PCDH15: variants seen among roughly 807,000 people sequenced by gnomAD.
PCDH15 encodes the protein protocadherin-15.
In PCDH15, 129 loss-of-function variants were observed where a neutral mutation model predicts 178.5. That is an observed-to-expected ratio of 0.72 (90% confidence interval 0.63 to 0.84). The LOEUF is 0.84. Ranked by LOEUF, PCDH15 falls within the 40% of genes least tolerant of loss-of-function variation. The probability of loss-of-function intolerance (pLI) is 0.00; values close to 1 mark genes in which losing one functional copy is unlikely to be tolerated. For synonymous variants in PCDH15, 800 were observed against 732.0 expected, an observed-to-expected ratio of 1.09 and a Z score of -1.50; for missense variants, 2,230 against 2,099.9, an observed-to-expected ratio of 1.06 and a Z score of -1.21.
intron 2 of PCDH15, among the ~76,000 whole-genome samples, chr10:55,011,930 T>C (rs1477088972): frequency 6.6e-6 from 1 of 152,028 alleles, no homozygotes; most frequent in Non-Finnish European, 1.5e-5. Flanking sequence ...GAGAAATCAA[T>C]TTTCAATGCC....
chr10:55,122,401 C>G (rs1189750976), intron 2 of PCDH15, among the ~76,000 whole-genome samples: 2 of 151,960 alleles, frequency 1.3e-5, no homozygotes, highest in African/African-American at 4.8e-5. Context: ...GAAGTGTGGG[C>G]AAGATGGGGA....
Position 54,200,668 on chromosome 10 carries a change from A to T in PCDH15, c.1099-4779T>A, listed in dbSNP as rs12246590. ...AATATTTATTTTCAGTCCTTATCTT[A>T]CTTGACCTATCTTCAGCATTATTCA... On this transcript the variant is annotated intron_variant, in intron 10 of 37. Transcript: ENST00000644397. Among the ~76,000 whole-genome samples the T allele has an allele frequency of 4.0e-3, 603 of 152,204 alleles. 2 individuals are homozygous for T. The highest frequency in any genetic ancestry group is 0.014 in the African/African-American group (574 of 41,536).
chr10:55,234,982 A>T (rs74136400), intron 1 of PCDH15, among the ~76,000 whole-genome samples: 2,619 of 152,178 alleles, frequency 0.017, 86 homozygotes, highest in African/African-American at 0.058. Context: ...AAAATAAGTT[A>T]AAAATCCATA....
Position 53,807,080 on chromosome 10 carries a change from G to GGTTTCATAC in PCDH15, c.4713_4721dup (p.Tyr1572_Thr1574dup). 6.2e-7 allele frequency: 1 copy of GGTTTCATAC among 1,612,816 alleles called. No individual in the cohort carries two copies. Among genetic ancestry groups the GGTTTCATAC allele is most frequent in the East Asian group, 2.2e-5 (1 of 44,858 alleles). On this transcript the variant is annotated inframe_insertion, in exon 38 of 38. Coordinates refer to ENST00000644397, the MANE Select transcript of PCDH15 (RefSeq NM_001384140.1). The stretch of plus-strand genomic sequence containing the variant: ...GAGCACTGTCTTCTCCAGTTGAGCT[G>GGTTTCATAC]GTTTCATACTCTCGATCAACAACTA...
At chr10:54,010,766 C>G (rs958895559) in intron 20 of PCDH15, among the ~76,000 whole-genome samples, 1 of 152,144 alleles carries the variant, frequency 6.6e-6, no homozygotes, top group African/African-American at 2.4e-5. Flanking sequence ...GGACAGAAGC[C>G]CAGTGTCTGT....
At chr10:54,326,792 T>C (rs1196051895) in intron 7 of PCDH15, among the ~76,000 whole-genome samples, 1 of 152,158 alleles carries the variant, frequency 6.6e-6, no homozygotes, top group Non-Finnish European at 1.5e-5. Flanking sequence ...GAATCAATGG[T>C]GATCCATTAT....
intron 1 of PCDH15, among the ~76,000 whole-genome samples, chr10:54,706,251 C>T (rs1309643348): frequency 1.3e-5 from 2 of 152,028 alleles, no homozygotes; most frequent in African/African-American, 4.8e-5. Flanking sequence ...ATATAGAAAA[C>T]AAACTGATCT....
At chr10:55,122,764 G>T (rs1334115026) in intron 2 of PCDH15, among the ~76,000 whole-genome samples, 1 of 152,112 alleles carries the variant, frequency 6.6e-6, no homozygotes, top group Non-Finnish European at 1.5e-5. Context: ...CTTATAAAAT[G>T]TAAATCTAAA....
rs535076224 is a variant in PCDH15, at chr10:54,055,020, A to G, written c.2220+11737T>C. 4.2e-4 allele frequency among the ~76,000 whole-genome samples: 64 copies of G among 152,266 alleles called. 3 individuals carry two copies. The South Asian group carries it at 0.013, about 32-fold the overall frequency. On this transcript the variant is annotated intron_variant, in intron 18 of 37. Transcript: ENST00000644397. ...CTTCATTTTAGTTTTAGAACCCCAC[A>G]CAGGGAGACAACTATAGTAATCAGA...
upstream of PCDH15, among the ~76,000 whole-genome samples, chr10:55,321,047 T>C (rs529017920): frequency 1.3e-5 from 2 of 150,974 alleles, no homozygotes; most frequent in East Asian, 3.9e-4. Context: ...CCTTACACTT[T>C]CACTACATAG....
intron 18 of PCDH15, among the ~76,000 whole-genome samples, chr10:54,064,542 G>T (rs114708659): frequency 6.6e-6 from 1 of 152,094 alleles, no homozygotes; most frequent in Non-Finnish European, 1.5e-5. Flanking sequence ...TGTTCATGGT[G>T]CCCAGGCTGT....
chr10:54,369,370 T>G (rs2134722124), intron 4 of PCDH15, 95 bp from the exon 5 acceptor site: 1 of 1,105,950 alleles, frequency 9.0e-7, no homozygotes, highest in East Asian at 2.6e-5. Context: ...ATTTTTCTAT[T>G]CTTGTTTATT....
intron 2 of PCDH15, among the ~76,000 whole-genome samples, chr10:55,381,320 G>A (rs1274500371): frequency 6.6e-6 from 1 of 152,128 alleles, no homozygotes; most frequent in Non-Finnish European, 1.5e-5. Flanking sequence ...CCAGTACATA[G>A]CAGACAACTT....
At chr10:54,460,109 T>C (rs544273360) in intron 3 of PCDH15, among the ~76,000 whole-genome samples, 1 of 152,208 alleles carries the variant, frequency 6.6e-6, no homozygotes, top group African/African-American at 2.4e-5. Flanking sequence ...CAGAGATCAG[T>C]TGAACTAAAA....
intron 2 of PCDH15, among the ~76,000 whole-genome samples, chr10:54,994,235 ACT>A (rs1282774473): frequency 6.6e-6 from 1 of 152,096 alleles, no homozygotes; most frequent in Non-Finnish European, 1.5e-5. Context: ...CTAATTAATG[ACT>A]CTCTGTCATT....
At chr10:54,627,258 A>G (rs1205262425) in intron 2 of PCDH15, among the ~76,000 whole-genome samples, 1 of 152,104 alleles carries the variant, frequency 6.6e-6, no homozygotes, top group East Asian at 1.9e-4. Context: ...TGGTTTTGAA[A>G]TGTGGAAATA....
At chr10:54,679,340 T>C (rs1338355662) in intron 1 of PCDH15, among the ~76,000 whole-genome samples, 3 of 152,174 alleles carry the variant, frequency 2.0e-5, no homozygotes, top group East Asian at 1.9e-4. Context: ...ATGATACTTA[T>C]CGAAAGAGTT....
At chr10:55,486,834 A>G (rs1016542514) in intron 2 of PCDH15, among the ~76,000 whole-genome samples, 1 of 151,492 alleles carries the variant, frequency 6.6e-6, no homozygotes, top group African/African-American at 2.4e-5. Flanking sequence ...TTATTAATCA[A>G]TGCTTCTAAA....
chr10:54,580,363 G>T (rs2090924510), intron 2 of PCDH15, among the ~76,000 whole-genome samples: 1 of 151,954 alleles, frequency 6.6e-6, no homozygotes, highest in South Asian at 2.1e-4. Context: ...AAAAAATCTA[G>T]AGGAAATTGA....
Sources: gnomAD v4.1 joint callset for allele counts (sites outside exome capture counted in the v4.1 genomes callset) on GRCh38, gnomAD v4.1.1 for gene constraint, MANE v1.5 for transcripts, NCBI Gene and HGNC (gene_info 2026-07-23, HGNC 2026-07-21) for gene names.